Variants in SNX8 observed in about 807,000 individuals in gnomAD.
The protein encoded by SNX8 is sorting nexin-8.
SNX8 carries 25 observed loss-of-function variants against 51.6 expected under a neutral mutation model. The ratio of observed to expected loss-of-function variants is 0.48; its 90% CI spans 0.35 to 0.68. The LOEUF (loss-of-function observed/expected upper bound fraction) is 0.68. SNX8 is among the 30% of genes least tolerant of loss of function. SNX8 has a pLI of 0.00. For missense variants in SNX8, 695 were observed against 624.0 expected (o/e 1.11, Z -1.21); for synonymous variants, 324 against 277.0 (o/e 1.17, Z -1.68).
At chr7:2,297,550 CAAA>C (rs145543350) in intron 1 of SNX8, among the ~76,000 whole-genome samples, 12 of 40,270 alleles carry the variant, frequency 3.0e-4, no homozygotes, top group Admixed American at 1.9e-3. Context: ...AACCCCGCCG[CAAA>C]AAAAAAAAAA....
At chr7:2,308,962 G>A (rs545419465) in intron 1 of SNX8, among the ~76,000 whole-genome samples, 1 of 151,954 alleles carries the variant, frequency 6.6e-6, no homozygotes, top group African/African-American at 2.4e-5. Flanking sequence ...GCTAATTATT[G>A]GATTTTTGTA....
chr7:2,354,123 G>C (rs1377089761), intron 1 of SNX8: 1 of 152,278 alleles, frequency 6.6e-6, no homozygotes, highest in South Asian at 2.1e-4. Context: ...CGGCGGCCTC[G>C]GATGGACTGA....
chr7:2,261,165 G>T (rs1174681868), intron 7 of SNX8, among the ~76,000 whole-genome samples: 2 of 152,250 alleles, frequency 1.3e-5, no homozygotes, highest in Admixed American at 6.5e-5. Flanking sequence ...GGGCACAGAG[G>T]CTCGTGCCTG....
At chr7:2,315,216 T>C (rs906146775), upstream of SNX8, among the ~76,000 whole-genome samples, 26 of 150,394 alleles carry the variant, frequency 1.7e-4, no homozygotes, top group Non-Finnish European at 3.0e-4. Context: ...ACCCACTCAC[T>C]CACTGCATCC....
intron 1 of SNX8, among the ~76,000 whole-genome samples, chr7:2,347,874 C>G (rs1434327817): frequency 6.9e-6 from 1 of 143,942 alleles, no homozygotes; most frequent in East Asian, 2.2e-4. Flanking sequence ...GAACTCCTGA[C>G]CTCAGGTGAT....
rs1445330108 is a variant in SNX8 at position 2,253,369 on chromosome 7, G to A, written c.*1687C>T. 1.3e-5 allele frequency: 2 copies of A among 152,936 alleles called. No individual in the cohort carries two copies. The highest frequency in any genetic ancestry group is 2.9e-5 in the Non-Finnish European group (2 of 68,420). The allele number at this position is 152,936 out of a possible 1,614,324, so 9.5% of individuals were successfully genotyped here. A position where few individuals can be genotyped will look rare whatever the true frequency, so the allele number is the denominator to read the frequency against. Reference sequence around the variant, plus strand: ...ACAGGCCCCAGGAAGGTGCGGGGTGGACGGAGAGGCCTTGCAGCCTTCTGC... The same window carrying A: ...ACAGGCCCCAGGAAGGTGCGGGGTGAACGGAGAGGCCTTGCAGCCTTCTGC... On this transcript the variant is annotated 3_prime_UTR_variant, in exon 11 of 11. Transcript: ENST00000222990.
At chr7:2,338,183 C>T (rs1778863573) in intron 1 of SNX8, among the ~76,000 whole-genome samples, 1 of 152,052 alleles carries the variant, frequency 6.6e-6, no homozygotes, top group Non-Finnish European at 1.5e-5. Flanking sequence ...TAAAAATTGG[C>T]CAGGCGCGGT....
chr7:2,263,193 C>T (rs781163407), intron 7 of SNX8, 37 bp downstream of exon 7: 1 of 1,611,072 alleles, frequency 6.2e-7, no homozygotes, highest in Admixed American at 1.7e-5. Context: ...ATAGCGTGTT[C>T]TCTGGAACAG....
intron 1 of SNX8, among the ~76,000 whole-genome samples, chr7:2,294,832 G>A (rs750495458): frequency 5.9e-5 from 9 of 151,944 alleles, no homozygotes; most frequent in Non-Finnish European, 1.0e-4. Flanking sequence ...CCAGGAGCTG[G>A]AGACCAGCCC....
intron 1 of SNX8, among the ~76,000 whole-genome samples, chr7:2,338,189 G>A (rs191618380): frequency 3.3e-5 from 5 of 152,124 alleles, no homozygotes; most frequent in Admixed American, 6.6e-5. Flanking sequence ...TTGGCCAGGC[G>A]CGGTGGCTCA....
At chr7:2,274,314 G>A (rs1327885055) in intron 3 of SNX8, among the ~76,000 whole-genome samples, 1 of 152,264 alleles carries the variant, frequency 6.6e-6, no homozygotes, top group Non-Finnish European at 1.5e-5. Flanking sequence ...GGGAACTGGC[G>A]ACTGTGTTAG....
chr7:2,324,703 T>C (rs1039625624), intron 1 of SNX8, among the ~76,000 whole-genome samples: 160 of 152,322 alleles, frequency 1.1e-3, no homozygotes, highest in African/African-American at 3.4e-3. Flanking sequence ...CACCCTAAGA[T>C]CCCAGAGCTG....
intron 1 of SNX8, among the ~76,000 whole-genome samples, chr7:2,341,128 C>A (rs1298286807): frequency 1.3e-5 from 2 of 149,374 alleles, no homozygotes; most frequent in Non-Finnish European, 3.0e-5. Flanking sequence ...TGTGATCACG[C>A]CATTCACTCC....
rs11352621 is a variant in SNX8 at position 2,338,461 on chromosome 7, C to CA, written c.-66+15760dup. ...TGGGCGACAGAGAGAGACTGTGTCTCAAAAAAAAAAAAAAAATACAAAAAA... is the reference window on the plus strand; with the variant it reads ...TGGGCGACAGAGAGAGACTGTGTCTCAAAAAAAAAAAAAAAAATACAAAAAA... On this transcript the variant is annotated intron_variant, in intron 1 of 5. Transcript: ENST00000435336. Among the ~76,000 whole-genome samples, 1,148 of 129,228 alleles carry CA rather than the reference C, an allele frequency of 8.9e-3. 17 individuals are homozygous for CA. The highest frequency in any genetic ancestry group is 0.031 in the African/African-American group (1,029 of 33,374). The allele number at this position is 129,228 out of a possible 152,430, so 84.8% of individuals were successfully genotyped here. A position where few individuals can be genotyped will look rare whatever the true frequency, so the allele number is the denominator to read the frequency against.
intron 1 of SNX8, among the ~76,000 whole-genome samples, chr7:2,350,550 T>C (rs1199986264): frequency 1.3e-5 from 2 of 152,146 alleles, no homozygotes; most frequent in South Asian, 2.1e-4. Flanking sequence ...ATGCCTATAA[T>C]CCCAGCACTT....
intron 1 of SNX8, among the ~76,000 whole-genome samples, chr7:2,290,671 T>C (rs955672147): frequency 2.2e-4 from 33 of 152,258 alleles, no homozygotes; most frequent in African/African-American, 6.7e-4. Context: ...CCGCATGCCC[T>C]CCCAGCACCT....
intron 1 of SNX8, among the ~76,000 whole-genome samples, chr7:2,305,012 G>A (rs1796515105): frequency 1.3e-5 from 2 of 152,196 alleles, no homozygotes; most frequent in Non-Finnish European, 2.9e-5. Context: ...CTGAGAGTGA[G>A]GTTCCCAGAC....
rs7787901 is a variant in SNX8, at chr7:2,345,183, A to C, written c.-66+9039T>G. On this transcript the variant is annotated intron_variant, in intron 1 of 5. Transcript: ENST00000435336. ...AATACTATTTATAACACTGAAAAAA[A>C]CCAAAACAACCTACTTTTATACGAA... Among the ~76,000 whole-genome samples, 1,194 of 152,294 alleles carry C rather than the reference A, an allele frequency of 7.8e-3. 25 individuals carry two copies. Among genetic ancestry groups the C allele is most frequent in the African/African-American group, 0.023 (970 of 41,574 alleles).
Position 2,278,153 on chromosome 7 carries a change from G to C in SNX8, c.247C>G (p.Pro83Ala). ...ARDTVQVELI[P>A]EKKGLFLKHV... ...TTCAGGAAGAGGCCCTTCTTCTCCG[G>C]AATGAGCTCCACCTGCACGGTGTCC... Residue 83 changes from proline (P) to alanine (A), a missense_variant, in exon 2 of 11, where the codon CCG becomes GCG. Pro to Ala is a conservative substitution (Grantham distance 27, BLOSUM62 -1). Coordinates refer to ENST00000222990, the MANE Select transcript of SNX8 (RefSeq NM_013321.4). 1 of 1,614,132 alleles carries C rather than the reference G, an allele frequency of 6.2e-7. No homozygotes were observed. The highest frequency in any genetic ancestry group is 8.5e-7 in the Non-Finnish European group (1 of 1,180,016).
Sources: allele counts gnomAD v4.1 joint callset (sites outside exome capture counted in the v4.1 genomes callset), GRCh38; gene constraint gnomAD v4.1.1; transcripts MANE v1.5; gene names NCBI Gene and HGNC (gene_info 2026-07-23, HGNC 2026-07-21).